The following MAOA variants were observed in gnomAD, a reference collection of about 807,000 sequenced individuals.
The protein encoded by MAOA is monoamine oxidase A.
A neutral mutation model predicts 42.0 loss-of-function variants in MAOA; 6 were observed. That is an observed-to-expected ratio of 0.14 (90% CI 0.08 to 0.28). MAOA has a LOEUF of 0.28. Among genes scored for constraint, MAOA ranks in the 10% least tolerant of loss-of-function variants. The pLI is 1.00. For synonymous variants in MAOA, 140 were observed against 154.0 expected, an observed-to-expected ratio of 0.91 and a Z score of 0.67; for missense variants, 262 against 422.3, an observed-to-expected ratio of 0.62 and a Z score of 3.33.
intron 3 of MAOA, among the ~76,000 whole-genome samples, chrX:43,699,176 T>G (rs1215856309): frequency 1.8e-5 from 2 of 111,369 alleles, no homozygotes; most frequent in Non-Finnish European, 3.8e-5. Flanking sequence ...TATCAGTTCT[T>G]CTCTTCTGCA....
chrX:43,668,787 C>A lies in MAOA; in HGVS notation c.73+12373C>A, dbSNP rs141657707. 1.3e-3 allele frequency among the ~76,000 whole-genome samples: 147 copies of A among 111,796 alleles called. 1 individual carries two copies. The highest frequency in any genetic ancestry group is 4.6e-3 in the African/African-American group (142 of 30,871). ...AGTTATAATGCTTTTTCAGGAATTT[C>A]CTGGCAAGCTGGCCATGCTATTTTT... is the stretch of plus-strand genomic sequence containing the variant. On this transcript the variant is annotated intron_variant, in intron 1 of 14. Transcript: ENST00000338702.
rs1473436520 is a variant in MAOA at position 43,743,827 on chromosome X, T to C, written c.1296T>C (p.Phe432=). 8.5e-7 allele frequency: 1 copy of C among 1,172,157 alleles called. No individual in the cohort carries two copies. The highest frequency in any genetic ancestry group is 1.1e-6 in the Non-Finnish European group (1 of 875,178). The stretch of plus-strand genomic sequence containing the variant: ...GTCAACCCGTGGGCAGGATTTTCTT[T>C]GCGGGCACAGAGACTGCCACAAAGT... ...VIRQPVGRIF[F]AGTETATKWS... Residue 432 remains phenylalanine (F), a synonymous_variant, in exon 13 of 15, where the codon TTT becomes TTC. Transcript: ENST00000338702.
chrX:43,697,654 A>G (rs962657097), intron 3 of MAOA, among the ~76,000 whole-genome samples: 3 of 112,200 alleles, frequency 2.7e-5, no homozygotes, highest in Non-Finnish European at 5.6e-5. Context: ...CCTTTCAGAG[A>G]ATACATATTT....
chrX:43,726,258 G>A (rs184976327), intron 5 of MAOA, among the ~76,000 whole-genome samples: 35 of 112,089 alleles, frequency 3.1e-4, no homozygotes, highest in African/African-American at 1.1e-3. Context: ...ATAATATTCT[G>A]AAGAGTGTTT....
chrX:43,690,465 T>C (rs1027273838), intron 2 of MAOA, among the ~76,000 whole-genome samples: 19 of 111,921 alleles, frequency 1.7e-4, no homozygotes, highest in African/African-American at 6.2e-4. Context: ...CATAGTACTT[T>C]TAGATTCTGT....
intron 5 of MAOA, among the ~76,000 whole-genome samples, chrX:43,723,128 T>C (rs1479469962): frequency 4.5e-5 from 5 of 111,873 alleles, no homozygotes; most frequent in African/African-American, 1.6e-4. Flanking sequence ...ACGTGATGCC[T>C]CCAGCTTTGT....
intron 2 of MAOA, among the ~76,000 whole-genome samples, chrX:43,691,373 C>CA (rs1309475225): frequency 0.048 from 3,805 of 79,902 alleles, 93 homozygotes; most frequent in Admixed American, 0.11. Context: ...GACCCTGTCT[C>CA]AAAAAAAAAA....
chrX:43,664,941 A>G (rs2033263449), intron 1 of MAOA, among the ~76,000 whole-genome samples: 1 of 112,011 alleles, frequency 8.9e-6, no homozygotes, highest in African/African-American at 3.2e-5. Flanking sequence ...TTTTGGCCAG[A>G]GACCACTTCA....
chrX:43,745,241 G>A lies in MAOA; in HGVS notation c.*728G>A, dbSNP rs1424075852. 1 of 112,536 alleles carries A rather than the reference G, an allele frequency of 8.9e-6. No homozygotes were observed. The highest frequency in any genetic ancestry group is 2.8e-4 in the East Asian group (1 of 3,568). 9.3% of individuals were successfully genotyped at this position (112,536 alleles called of 1,213,427 possible). A position where few individuals can be genotyped will look rare whatever the true frequency, so the allele number is the denominator to read the frequency against. On this transcript the variant is annotated 3_prime_UTR_variant, in exon 15 of 15. Coordinates refer to ENST00000338702, the MANE Select transcript of MAOA (RefSeq NM_000240.4). ...GTTAGAATGTTGAAACTGACTTGCT[G>A]TGACTTATGTGCAGCTTTCCAGTTG...
At chrX:43,656,532 A>G in intron 1 of MAOA, 118 bp downstream of exon 1, 1 of 689,590 alleles carries the variant, frequency 1.5e-6, no homozygotes, top group Non-Finnish European at 2.3e-6. Context: ...TAGTGTAGCC[A>G]TGGCTTGGCC....
At chrX:43,736,128 A>C (rs1449344061) in intron 9 of MAOA, 99 bp from the exon 10 acceptor site, 2 of 591,725 alleles carry the variant, frequency 3.4e-6, no homozygotes, top group Non-Finnish European at 5.5e-6. Flanking sequence ...AGTTCATTTC[A>C]TGCTGAATAG....
intron 1 of MAOA, among the ~76,000 whole-genome samples, chrX:43,677,539 A>G (rs986968487): frequency 1.8e-5 from 2 of 110,414 alleles, no homozygotes; most frequent in Non-Finnish European, 3.8e-5. Context: ...CCATCAACCT[A>G]TTTTATTTTG....
intron 5 of MAOA, among the ~76,000 whole-genome samples, chrX:43,716,841 G>A (rs1024051226): frequency 1.8e-5 from 2 of 110,655 alleles, no homozygotes; most frequent in East Asian, 2.9e-4. Flanking sequence ...CATGAATGGT[G>A]TGGCAGGATA....
chrX:43,740,829 T>TA lies in MAOA; in HGVS notation c.1164+92dup, dbSNP rs2033955512. The TA allele has an allele frequency of 1.7e-5, 14 of 837,785 alleles. No homozygotes were observed. The South Asian group carries it at 3.2e-4, about 19-fold the overall frequency. The allele number at this position is 837,785 out of a possible 1,213,427, so 69.0% of individuals were successfully genotyped here. Reference sequence around the variant, plus strand: ...GCATATTCTGATTTTTTGACAGTCTTATGAAGAGAGTATAAAGCGATATGC... The same window carrying TA: ...GCATATTCTGATTTTTTGACAGTCTTAATGAAGAGAGTATAAAGCGATATGC... On this transcript the variant is annotated intron_variant, in intron 11 of 14. Transcript: ENST00000338702.
chrX:43,707,722 A>G (rs1050547171), intron 3 of MAOA, among the ~76,000 whole-genome samples: 8 of 112,331 alleles, frequency 7.1e-5, no homozygotes, highest in Admixed American at 9.5e-5. Flanking sequence ...TTGTCACAAA[A>G]CAATGGGACT....
At chrX:43,712,244 A>G (rs942373389) in intron 4 of MAOA, among the ~76,000 whole-genome samples, 2 of 111,453 alleles carry the variant, frequency 1.8e-5, no homozygotes, top group Non-Finnish European at 3.8e-5. Flanking sequence ...CTTCAACTCT[A>G]TGCTACTGAG....
chrX:43,739,411 C>T (rs975824343), intron 10 of MAOA, among the ~76,000 whole-genome samples: 3 of 111,662 alleles, frequency 2.7e-5, no homozygotes, highest in Non-Finnish European at 3.8e-5. Flanking sequence ...TATAATCTGC[C>T]TCCTCCTCCT....
chrX:43,675,306 A>C (rs2033384102), intron 1 of MAOA, among the ~76,000 whole-genome samples: 2 of 111,636 alleles, frequency 1.8e-5, no homozygotes, highest in East Asian at 2.8e-4. Flanking sequence ...TCCTTTAAGC[A>C]CTTCTCTGTA....
At chrX:43,703,189 C>T (rs1487013740) in intron 3 of MAOA, among the ~76,000 whole-genome samples, 1 of 111,686 alleles carries the variant, frequency 9.0e-6, no homozygotes, top group Non-Finnish European at 1.9e-5. Context: ...ATAAAGCCAT[C>T]ACTGAAGTAA....
Sources: allele counts gnomAD v4.1 joint callset (sites outside exome capture counted in the v4.1 genomes callset), GRCh38; gene constraint gnomAD v4.1.1; transcripts MANE v1.5; gene names NCBI Gene and HGNC (gene_info 2026-07-23, HGNC 2026-07-21).